SLC10A7: variants seen among roughly 807,000 people sequenced by gnomAD.
SLC10A7 encodes the protein solute carrier family 10 member 7.
In SLC10A7, 29 loss-of-function variants were observed where a neutral mutation model predicts 43.2. The observed-to-expected ratio is 0.67, with a 90% CI of 0.50 to 0.92. SLC10A7 has a LOEUF of 0.92. Ranked by LOEUF, SLC10A7 falls within the 40% of genes least tolerant of loss-of-function variation. The probability of loss-of-function intolerance (pLI) is 0.00; values close to 1 mark genes in which losing one functional copy is unlikely to be tolerated. For missense variants in SLC10A7, 295 were observed against 403.2 expected, an observed-to-expected ratio of 0.73 and a Z score of 2.30; for synonymous variants, 152 against 144.8, an observed-to-expected ratio of 1.05 and a Z score of -0.35.
chr4:146,315,930 C>T (rs1732295228), intron 6 of SLC10A7, among the ~76,000 whole-genome samples: 1 of 152,086 alleles, frequency 6.6e-6, no homozygotes, highest in Non-Finnish European at 1.5e-5. Flanking sequence ...ACTCATCTAC[C>T]TTTCTATTGC....
chr4:146,516,691 C>T (rs1232863055), intron 2 of SLC10A7, among the ~76,000 whole-genome samples: 3 of 151,872 alleles, frequency 2.0e-5, no homozygotes, highest in Non-Finnish European at 4.4e-5. Context: ...GTTATGAAAA[C>T]CAAACTGAAC....
chr4:146,398,037 C>T lies in SLC10A7; in HGVS notation c.435+44746G>A, dbSNP rs148086230. Among the ~76,000 whole-genome samples the T allele has an allele frequency of 2.6e-3, 399 of 152,254 alleles. 1 individual carries two copies. The highest frequency in any genetic ancestry group is 6.5e-3 in the African/African-American group (270 of 41,536). On this transcript the variant is annotated intron_variant, in intron 5 of 11. Transcript: ENST00000335472. ...TCACAAGTGTCCAAAGATTTATTGA[C>T]GTAGCATTGGAATTTTCTGCAACAT...
intron 9 of SLC10A7, among the ~76,000 whole-genome samples, chr4:146,286,755 G>C: frequency 6.6e-6 from 1 of 152,160 alleles, no homozygotes; most frequent in Middle Eastern, 3.2e-3. Flanking sequence ...ACTGTGTTTG[G>C]AGTGGTGAGA....
At chr4:146,310,412 C>T (rs182875332) in intron 6 of SLC10A7, among the ~76,000 whole-genome samples, 1 of 152,146 alleles carries the variant, frequency 6.6e-6, no homozygotes, top group Non-Finnish European at 1.5e-5. Context: ...TCCACAGACA[C>T]TGAAGTAATT....
At chr4:146,280,191 C>A (rs1729457155) in intron 10 of SLC10A7, among the ~76,000 whole-genome samples, 1 of 152,022 alleles carries the variant, frequency 6.6e-6, no homozygotes, top group Non-Finnish European at 1.5e-5. Flanking sequence ...CATATATACA[C>A]ACACATATAT....
chr4:146,428,171 C>T, intron 5 of SLC10A7, among the ~76,000 whole-genome samples: 1 of 151,932 alleles, frequency 6.6e-6, no homozygotes, highest in Non-Finnish European at 1.5e-5. Flanking sequence ...GAAACAAGAC[C>T]CTAACTCAAA....
rs79778514 is a variant in SLC10A7 at position 146,310,726 on chromosome 4, A to G, written c.472-4717T>C. On this transcript the variant is annotated intron_variant, in intron 6 of 11. Transcript: ENST00000335472. The stretch of plus-strand genomic sequence containing the variant: ...TTTTATTATTACCCTCATTTTCACA[A>G]GAGGCAACAGTGGCACAGAACAGTT... Among the ~76,000 whole-genome samples, 204 of 152,218 alleles carry G rather than the reference A, an allele frequency of 1.3e-3. 1 individual carries two copies. The East Asian group carries it at 0.02, about 15-fold the overall frequency.
chr4:146,330,160 CT>C (rs1733432808), intron 5 of SLC10A7, among the ~76,000 whole-genome samples: 1 of 152,108 alleles, frequency 6.6e-6, no homozygotes, highest in Admixed American at 6.5e-5. Flanking sequence ...ATTTCAATGA[CT>C]TTAGTGGAAA....
intron 10 of SLC10A7, among the ~76,000 whole-genome samples, chr4:146,260,381 G>T (rs566107491): frequency 3.9e-5 from 6 of 152,164 alleles, no homozygotes; most frequent in Non-Finnish European, 8.8e-5. Context: ...TGGAGTAAAT[G>T]TGAGGCTAAA....
In SLC10A7 at chr4:146,470,661, A is replaced by T. The variant is rs566772860; in HGVS notation, c.397-27840T>A. ...TTCCTAGAGTATTAAAATGATGTTT[A>T]CATATTTATATTTTTCATTAAAGAA... On this transcript the variant is annotated intron_variant, in intron 4 of 11. Coordinates refer to ENST00000335472, the MANE Select transcript of SLC10A7 (RefSeq NM_001029998.6). Among the ~76,000 whole-genome samples the T allele has an allele frequency of 3.9e-5, 6 of 152,310 alleles. No individual in the cohort carries two copies. The South Asian group carries it at 1.2e-3, about 32-fold the overall frequency.
chr4:146,306,938 T>C (rs1578843586), intron 6 of SLC10A7, among the ~76,000 whole-genome samples: 1 of 152,308 alleles, frequency 6.6e-6, no homozygotes, highest in Middle Eastern at 3.4e-3. Context: ...TTTTCATATC[T>C]ACCTAAGTTT....
intron 6 of SLC10A7, among the ~76,000 whole-genome samples, chr4:146,312,325 T>G (rs181415391): frequency 1.3e-4 from 20 of 152,284 alleles, no homozygotes; most frequent in African/African-American, 4.6e-4. Flanking sequence ...TTGTATCTAT[T>G]CAAAGTGTAC....
chr4:146,459,328 CA>C (rs1353763604), intron 4 of SLC10A7, among the ~76,000 whole-genome samples: 2 of 151,530 alleles, frequency 1.3e-5, no homozygotes, highest in Non-Finnish European at 3.0e-5. Flanking sequence ...TAGAAATTGA[CA>C]AATGACTACA....
intron 5 of SLC10A7, among the ~76,000 whole-genome samples, chr4:146,391,167 C>T (rs765511350): frequency 4.6e-5 from 7 of 152,188 alleles, no homozygotes; most frequent in Non-Finnish European, 7.3e-5. Flanking sequence ...CATATAAACT[C>T]TTGCCCTTAA....
At chr4:146,289,210 G>T (rs1290454703) in intron 9 of SLC10A7, among the ~76,000 whole-genome samples, 1 of 152,126 alleles carries the variant, frequency 6.6e-6, no homozygotes, top group East Asian at 1.9e-4. Flanking sequence ...CTCTGAAATG[G>T]TAAGAAAACT....
At chr4:146,448,706 G>A (rs560867471) in intron 4 of SLC10A7, among the ~76,000 whole-genome samples, 62 of 152,192 alleles carry the variant, frequency 4.1e-4, no homozygotes, top group Non-Finnish European at 7.5e-4. Context: ...ATGTAAAAAC[G>A]GGATATTTAT....
chr4:146,416,270 T>A (rs1449502468), intron 5 of SLC10A7, among the ~76,000 whole-genome samples: 1 of 152,182 alleles, frequency 6.6e-6, no homozygotes, highest in South Asian at 2.1e-4. Flanking sequence ...CCATGCCTAG[T>A]ATGCTTGTCA....
At chr4:146,470,696 A>G (rs1733493290) in intron 4 of SLC10A7, among the ~76,000 whole-genome samples, 1 of 152,194 alleles carries the variant, frequency 6.6e-6, no homozygotes, top group South Asian at 2.1e-4. Flanking sequence ...AATCATGTGA[A>G]TTCTTTTTCA....
intron 5 of SLC10A7, among the ~76,000 whole-genome samples, chr4:146,397,439 T>A (rs1738912799): frequency 6.6e-6 from 1 of 152,186 alleles, no homozygotes; most frequent in African/African-American, 2.4e-5. Flanking sequence ...ATAATGTATA[T>A]AATTGATCAC....
Sources: allele counts gnomAD v4.1 joint callset (sites outside exome capture counted in the v4.1 genomes callset), GRCh38; gene constraint gnomAD v4.1.1; transcripts MANE v1.5; gene names NCBI Gene and HGNC (gene_info 2026-07-23, HGNC 2026-07-21).